Variants in COL9A1 observed in about 807,000 individuals in gnomAD.
COL9A1 encodes collagen alpha-1(IX) chain.
COL9A1 carries 104 observed loss-of-function variants against 142.6 expected under a neutral mutation model. That is an observed-to-expected ratio of 0.73 (90% CI 0.62 to 0.86). COL9A1 has a LOEUF of 0.86. COL9A1 is among the 40% of genes least tolerant of loss of function. The probability of loss-of-function intolerance (pLI) is 0.00; values close to 1 mark genes in which losing one functional copy is unlikely to be tolerated. For missense variants in COL9A1, 1,210 were observed against 1,176.6 expected, an observed-to-expected ratio of 1.03 and a Z score of -0.42; for synonymous variants, 466 against 396.0, an observed-to-expected ratio of 1.18 and a Z score of -2.10.
At chr6:70,258,277 G>C (rs1033239677) in intron 20 of COL9A1, among the ~76,000 whole-genome samples, 3 of 152,198 alleles carry the variant, frequency 2.0e-5, no homozygotes, top group Admixed American at 2.0e-4. Flanking sequence ...AAGTTGAGAT[G>C]AGAAGATGAT....
In COL9A1 at chr6:70,294,490, T is replaced by C; in HGVS notation, c.373A>G (p.Lys125Glu). ...TTFRMTGSTLKKNWNIWQIQD... is the reference protein window; with the variant it reads ...TTFRMTGSTLEKNWNIWQIQD... Reference sequence around the variant, plus strand: ...ATCTGCCAAATGTTCCAGTTCTTTTTGAGAGTGCTTCCAGTCATTCGAAAC... The same window carrying C: ...ATCTGCCAAATGTTCCAGTTCTTTTCGAGAGTGCTTCCAGTCATTCGAAAC... Residue 125 changes from lysine (K) to glutamate (E), a missense_variant, in exon 5 of 38, where the codon AAA becomes GAA. Transcript: ENST00000357250. The C allele has an allele frequency of 6.2e-7, 1 of 1,614,082 alleles. No individual in the cohort carries two copies. Among genetic ancestry groups the C allele is most frequent in the African/African-American group, 1.3e-5 (1 of 75,050 alleles).
intron 33 of COL9A1, 137 bp downstream of exon 33, chr6:70,239,117 C>T (rs146840942): frequency 7.5e-5 from 47 of 629,136 alleles, no homozygotes; most frequent in Admixed American, 8.4e-5. Context: ...CACGCCTGGG[C>T]GACAGAGTGA....
chr6:70,254,195 AG>A (rs1369733520), intron 25 of COL9A1, among the ~76,000 whole-genome samples: 16 of 152,220 alleles, frequency 1.1e-4, no homozygotes, highest in African/African-American at 1.4e-4. Flanking sequence ...CCTACAGCTT[AG>A]GGTTAGTTAA....
chr6:70,240,805 G>A, intron 31 of COL9A1, 72 bp from the exon 32 acceptor site: 2 of 1,187,202 alleles, frequency 1.7e-6, no homozygotes, highest in South Asian at 2.4e-5. Flanking sequence ...AGTAAACATT[G>A]ATAAGCATTC....
chr6:70,240,197 C>T (rs971088863), intron 32 of COL9A1, among the ~76,000 whole-genome samples: 1 of 152,150 alleles, frequency 6.6e-6, no homozygotes, highest in African/African-American at 2.4e-5. Flanking sequence ...TAGGCAACAG[C>T]CTCCTCTGGA....
chr6:70,254,581 T>C, intron 24 of COL9A1, 52 bp from the exon 25 acceptor site: 1 of 1,561,452 alleles, frequency 6.4e-7, no homozygotes, highest in Non-Finnish European at 8.8e-7. Context: ...CTGCTGTATT[T>C]CTTTTAAGAA....
intron 21 of COL9A1, 28 bp from the exon 22 acceptor site, chr6:70,255,418 C>T (rs1771218204): frequency 6.2e-7 from 1 of 1,602,478 alleles, no homozygotes; most frequent in Non-Finnish European, 8.6e-7. Flanking sequence ...TTTGTTAATA[C>T]AAGAAAAAGT....
intron 15 of COL9A1, 140 bp downstream of exon 15, chr6:70,270,174 G>T: frequency 1.3e-6 from 1 of 765,298 alleles, no homozygotes; most frequent in Non-Finnish European, 2.3e-6. Flanking sequence ...CCATGCCCTT[G>T]AGTGCATGGA....
chr6:70,216,807 TC>T lies in COL9A1; in HGVS notation c.*89del. ...TACATTGTAATCATGCTGAAGGTAATCATCTTTGCCCCAGCTTTGGATGGTG... is the reference window on the plus strand; with the variant it reads ...TACATTGTAATCATGCTGAAGGTAATATCTTTGCCCCAGCTTTGGATGGTG... On this transcript the variant is annotated 3_prime_UTR_variant, in exon 38 of 38. Transcript: ENST00000357250. 7.5e-6 allele frequency: 10 copies of T among 1,340,580 alleles called. No homozygotes were observed. The highest frequency in any genetic ancestry group is 1.1e-5 in the Non-Finnish European group (10 of 941,556). The allele number at this position is 1,340,580 out of a possible 1,614,324, so 83.0% of individuals were successfully genotyped here.
chr6:70,274,703 C>T lies in COL9A1; in HGVS notation c.1029+16G>A. 6.2e-7 allele frequency: 1 copy of T among 1,605,510 alleles called. No individual in the cohort carries two copies. Among genetic ancestry groups the T allele is most frequent in the Non-Finnish European group, 8.5e-7 (1 of 1,172,650 alleles). Reference sequence around the variant, plus strand: ...GCATTTTCGTACTAGCAATTAATGCCAGATGGCTAACTTACTTTTTGTCCC... The same window carrying T: ...GCATTTTCGTACTAGCAATTAATGCTAGATGGCTAACTTACTTTTTGTCCC... On this transcript the variant is annotated intron_variant, in intron 11 of 37. Transcript: ENST00000357250.
intron 7 of COL9A1, among the ~76,000 whole-genome samples, chr6:70,282,468 G>T (rs1773223168): frequency 6.6e-6 from 1 of 152,168 alleles, no homozygotes; most frequent in African/African-American, 2.4e-5. Flanking sequence ...AGCTGGACTC[G>T]GGGTTAGTGC....
intron 21 of COL9A1, among the ~76,000 whole-genome samples, 153 bp from the exon 22 acceptor site, chr6:70,255,543 A>G (rs1018623179): frequency 2.6e-5 from 4 of 152,250 alleles, no homozygotes; most frequent in African/African-American, 9.6e-5. Context: ...AAGTCTTTTT[A>G]TAAAAACGGA....
Position 70,280,878 on chromosome 6 carries a change from A to G in COL9A1, c.913-4T>C, listed in dbSNP as rs376458734. 8.7e-6 allele frequency: 14 copies of G among 1,613,564 alleles called. No homozygotes were observed. The highest frequency in any genetic ancestry group is 1.3e-5 in the African/African-American group (1 of 75,048). On this transcript the variant is annotated splice_region_variant and splice_polypyrimidine_tract_variant and intron_variant, in intron 9 of 37. Transcript: ENST00000357250. The stretch of plus-strand genomic sequence containing the variant: ...TTCCCGGTTCACCTGCAGGACCCTG[A>G]GCAGGGGCAGAAGGGTGCGGGGGCA...
At chr6:70,263,033 T>G (rs1771788371) in intron 19 of COL9A1, among the ~76,000 whole-genome samples, 1 of 152,136 alleles carries the variant, frequency 6.6e-6, no homozygotes, top group Non-Finnish European at 1.5e-5. Context: ...AGGTAGAATT[T>G]TTCTGTTAAA....
At position 70,271,672 on chromosome 6, in the gene COL9A1, C is replaced by T. The variant is rs778892163; in HGVS notation, c.1126G>A (p.Gly376Ser). The change falls in exon 14 of 38, where the codon GGC becomes AGC. Residue 376 changes from glycine to serine, a missense_variant. By Grantham distance (56) the Gly-to-Ser change is moderately conservative. Transcript: ENST00000357250. ...GTACTCACAACAGGTCCTACACGGC[C>T]AAGCTCTCCAGGGAGTCCTGCTGTC... Reference protein sequence around the residue: ...PGTAGLPGELGRVGPVGDPGR... With the variant: ...PGTAGLPGELSRVGPVGDPGR... 7 of 1,613,946 alleles carry T rather than the reference C, an allele frequency of 4.3e-6. No homozygotes were observed. The South Asian group carries it at 7.7e-5, about 18-fold the overall frequency.
chr6:70,236,455 G>A (rs1468457623), intron 33 of COL9A1, among the ~76,000 whole-genome samples: 1 of 152,164 alleles, frequency 6.6e-6, no homozygotes, highest in Non-Finnish European at 1.5e-5. Flanking sequence ...AAGAACACGA[G>A]GCAGCAAGGG....
chr6:70,215,675 C>T (rs547044269), downstream of COL9A1: 18 of 152,124 alleles, frequency 1.2e-4, no homozygotes, highest in Middle Eastern at 3.4e-3. Flanking sequence ...ATAAAATTTA[C>T]AAGAAATGGT....
intron 20 of COL9A1, among the ~76,000 whole-genome samples, chr6:70,257,895 T>C (rs143877916): frequency 1.3e-5 from 2 of 152,220 alleles, no homozygotes; most frequent in Admixed American, 6.5e-5. Context: ...TCCAGCCACA[T>C]GATTCAGAAG....
chr6:70,278,689 T>G (rs1772922388), intron 10 of COL9A1, among the ~76,000 whole-genome samples: 2 of 152,226 alleles, frequency 1.3e-5, no homozygotes, highest in African/African-American at 4.8e-5. Context: ...AGCTTATTCT[T>G]TTATGTCTTT....
Sources: allele counts gnomAD v4.1 joint callset (sites outside exome capture counted in the v4.1 genomes callset), GRCh38; gene constraint gnomAD v4.1.1; transcripts MANE v1.5; gene names NCBI Gene and HGNC (gene_info 2026-07-23, HGNC 2026-07-21).